Variants in ZDHHC18 observed in about 807,000 individuals in gnomAD.
ZDHHC18 encodes the protein palmitoyltransferase ZDHHC18.
A neutral mutation model predicts 37.5 loss-of-function variants in ZDHHC18; 23 were observed. The observed-to-expected ratio is 0.61, with a 90% confidence interval of 0.44 to 0.87. The LOEUF is 0.87. Among genes scored for constraint, ZDHHC18 ranks in the 40% least tolerant of loss-of-function variants. ZDHHC18 has a pLI of 0.00. For missense variants in ZDHHC18, 406 were observed against 525.6 expected (o/e 0.77, Z 2.22); for synonymous variants, 185 against 218.7 (o/e 0.85, Z 1.36).
Position 26,857,258 on chromosome 1 carries a change from G to A in ZDHHC18, c.*3415G>A, listed in dbSNP as rs901462691. 1 of 152,318 alleles carries A rather than the reference G, an allele frequency of 6.6e-6. No homozygotes were observed. The highest frequency in any genetic ancestry group is 2.4e-5 in the African/African-American group (1 of 41,462). 9.4% of individuals were successfully genotyped at this position (152,318 alleles called of 1,614,324 possible). On this transcript the variant is annotated 3_prime_UTR_variant, in exon 8 of 8. Transcript: ENST00000374142. ...GGCATAGCCATAGTCAAGCCCAGCA[G>A]GTTTCCTCAGGAGCTGTCTGGGGTG...
At chr1:26,832,999 T>C (rs1325553162) in intron 2 of ZDHHC18, among the ~76,000 whole-genome samples, 1 of 152,224 alleles carries the variant, frequency 6.6e-6, no homozygotes, top group Non-Finnish European at 1.5e-5. Context: ...ACAAAGTAAG[T>C]AGAAGAGCTG....
intron 1 of ZDHHC18, among the ~76,000 whole-genome samples, chr1:26,829,209 T>C (rs1015490322): frequency 1.3e-5 from 2 of 152,188 alleles, no homozygotes; most frequent in South Asian, 4.1e-4. Context: ...AGGTGCTCTC[T>C]AAGCCTTTCC....
At chr1:26,834,166 C>T (rs754684938) in intron 2 of ZDHHC18, among the ~76,000 whole-genome samples, 1 of 152,234 alleles carries the variant, frequency 6.6e-6, no homozygotes, top group Non-Finnish European at 1.5e-5. Flanking sequence ...TTGTCCAGCT[C>T]AGCCGGACCC....
chr1:26,839,431 A>G (rs1308964258), intron 2 of ZDHHC18, among the ~76,000 whole-genome samples: 3 of 152,154 alleles, frequency 2.0e-5, no homozygotes, highest in Non-Finnish European at 2.9e-5. Flanking sequence ...AACAAAACCA[A>G]TATCTTTGAC....
chr1:26,837,456 G>A (rs1003705428), intron 2 of ZDHHC18, among the ~76,000 whole-genome samples: 6 of 143,214 alleles, frequency 4.2e-5, no homozygotes, highest in Admixed American at 7.1e-5. Context: ...AATATATTAT[G>A]TATATTATTT....
intron 2 of ZDHHC18, among the ~76,000 whole-genome samples, chr1:26,847,628 T>C (rs1240242829): frequency 1.3e-5 from 2 of 152,228 alleles, no homozygotes; most frequent in African/African-American, 2.4e-5. Flanking sequence ...CATTTGTTTA[T>C]GTCTCTTAAA....
At chr1:26,836,361 C>G (rs912328515) in intron 2 of ZDHHC18, among the ~76,000 whole-genome samples, 8 of 152,092 alleles carry the variant, frequency 5.3e-5, no homozygotes, top group Non-Finnish European at 1.2e-4. Context: ...CTCTGCAGAA[C>G]AGGCCCTGAC....
intron 6 of ZDHHC18, among the ~76,000 whole-genome samples, chr1:26,852,439 G>T (rs2081710017): frequency 6.6e-6 from 1 of 152,216 alleles, no homozygotes; most frequent in Non-Finnish European, 1.5e-5. Context: ...GGGCTCACAG[G>T]CAGGTCAGCC....
Position 26,850,696 on chromosome 1 carries a change from A to G in ZDHHC18, c.833+90A>G. ...TGCCTCATCCTCTAATCAGAAGGGA[A>G]CAGCGTACAGCTCACATGTGTCCTC... On this transcript the variant is annotated intron_variant, in intron 5 of 7. Transcript: ENST00000374142. This position sits in a 1 kb window ranked among gnomAD's most constrained non-coding sequence, Gnocchi z 6.1. 2 of 1,405,482 alleles carry G rather than the reference A, an allele frequency of 1.4e-6. No homozygotes were observed. Among genetic ancestry groups the G allele is most frequent in the Non-Finnish European group, 2.0e-6 (2 of 1,005,888 alleles). 87.1% of individuals were successfully genotyped at this position (1,405,482 alleles called of 1,614,324 possible). A position where few individuals can be genotyped will look rare whatever the true frequency, so the allele number is the denominator to read the frequency against.
At chr1:26,831,774 G>A (rs2124247329) in intron 1 of ZDHHC18, among the ~76,000 whole-genome samples, 1 of 152,274 alleles carries the variant, frequency 6.6e-6, no homozygotes, top group East Asian at 1.9e-4. Context: ...GCCTACCTTG[G>A]GTCACAGTGA....
chr1:26,832,638 T>C, intron 2 of ZDHHC18, 31 bp downstream of exon 2: 1 of 1,606,474 alleles, frequency 6.2e-7, no homozygotes, highest in Non-Finnish European at 8.5e-7. Flanking sequence ...TGAAGCTGGG[T>C]CTCCATAGCT....
At chr1:26,829,824 T>C (rs75991222) in intron 1 of ZDHHC18, among the ~76,000 whole-genome samples, 1 of 152,212 alleles carries the variant, frequency 6.6e-6, no homozygotes. Flanking sequence ...TGAACCTAGC[T>C]GTGGGCCTGG....
At chr1:26,846,174 A>G (rs890909511) in intron 2 of ZDHHC18, among the ~76,000 whole-genome samples, 33 of 145,488 alleles carry the variant, frequency 2.3e-4, no homozygotes, top group African/African-American at 7.9e-4. Flanking sequence ...ATGTCTATAT[A>G]TACACATATA....
At chr1:26,845,416 C>G (rs1421835788) in intron 2 of ZDHHC18, among the ~76,000 whole-genome samples, 1 of 145,648 alleles carries the variant, frequency 6.9e-6, no homozygotes, top group Non-Finnish European at 1.5e-5. Context: ...CACTGTAACC[C>G]CCACCTCCCT....
At position 26,826,797 on chromosome 1, in the gene ZDHHC18, C is replaced by T. The variant is rs2081558711; in HGVS notation, c.-8C>T. The T allele has an allele frequency of 2.6e-5, 25 of 980,318 alleles. No individual in the cohort carries two copies. Among genetic ancestry groups the T allele is most frequent in the Non-Finnish European group, 2.9e-5 (24 of 827,554 alleles). 60.7% of individuals were successfully genotyped at this position (980,318 alleles called of 1,614,324 possible). On this transcript the variant is annotated 5_prime_UTR_variant, in exon 1 of 8. Coordinates refer to ENST00000374142, the MANE Select transcript of ZDHHC18 (RefSeq NM_032283.3). This position sits in a 1 kb window ranked among gnomAD's most constrained non-coding sequence, Gnocchi z 5.2. ...CGGGGCGCGGAGCCGAGGCCCGCGG[C>T]TGGCTGCATGAAGGACTGCGAGTAC...
Position 26,856,241 on chromosome 1 carries a change from C to G in ZDHHC18, c.*2398C>G. On this transcript the variant is annotated 3_prime_UTR_variant, in exon 8 of 8. Transcript: ENST00000374142. This position sits in a 1 kb window ranked among gnomAD's most constrained non-coding sequence, Gnocchi z 5.2. ...GCACAGCCTGAGGGGAGCTAACAGGCCTCTTTGCAGAGGGTTAGCTGGTAA... is the reference window on the plus strand; with the variant it reads ...GCACAGCCTGAGGGGAGCTAACAGGGCTCTTTGCAGAGGGTTAGCTGGTAA... 2.2e-6 allele frequency: 1 copy of G among 451,256 alleles called. No individual in the cohort carries two copies. The highest frequency in any genetic ancestry group is 4.5e-6 in the Non-Finnish European group (1 of 222,788). The allele number at this position is 451,256 out of a possible 1,614,324, so 28.0% of individuals were successfully genotyped here.
intron 1 of ZDHHC18, 47 bp from the exon 2 acceptor site, chr1:26,832,400 G>C: frequency 6.2e-7 from 1 of 1,607,176 alleles, no homozygotes; most frequent in Non-Finnish European, 8.5e-7. Context: ...CTGTGCCGCA[G>C]GGAGCCCTTG....
At chr1:26,845,177 G>A (rs1402077570) in intron 2 of ZDHHC18, among the ~76,000 whole-genome samples, 1 of 151,324 alleles carries the variant, frequency 6.6e-6, no homozygotes, top group Non-Finnish European at 1.5e-5. Flanking sequence ...CACCTGCCTC[G>A]GCCTCCCAAA....
chr1:26,848,761 A>G lies in ZDHHC18; in HGVS notation c.646+4A>G, dbSNP rs374365502. ...AGTGTCTGCGACAACTGTGTGGGTG[A>G]GTAGGAGGCAGCAGGGAGGGATGCA... is the stretch of plus-strand genomic sequence containing the variant. On this transcript the variant is annotated splice_donor_region_variant and intron_variant, in intron 3 of 7. Transcript: ENST00000374142. 49 of 1,605,698 alleles carry G rather than the reference A, an allele frequency of 3.1e-5. No individual in the cohort carries two copies. Among genetic ancestry groups the G allele is most frequent in the Non-Finnish European group, 3.9e-5 (46 of 1,172,974 alleles).
Sources: gnomAD v4.1 joint callset for allele counts (sites outside exome capture counted in the v4.1 genomes callset) on GRCh38, gnomAD v4.1.1 for gene constraint, Gnocchi (gnomAD v3.1) non-coding constraint, MANE v1.5 for transcripts, NCBI Gene and HGNC (gene_info 2026-07-23, HGNC 2026-07-21) for gene names.